Variants in PRKG2 observed in about 807,000 individuals in gnomAD.
PRKG2 encodes the protein protein kinase cGMP-dependent 2, also known as cGMP-dependent protein kinase 2.
Under a neutral mutation model 97.2 loss-of-function variants are expected in PRKG2, and 33 were observed. The ratio of observed to expected loss-of-function variants is 0.34; its 90% CI spans 0.26 to 0.45. PRKG2 has a LOEUF of 0.45. Among genes scored for constraint, PRKG2 ranks in the 20% least tolerant of loss-of-function variants. The probability of loss-of-function intolerance (pLI) is 1.00; values close to 1 mark genes in which losing one functional copy is unlikely to be tolerated. For synonymous variants in PRKG2, 330 were observed against 321.8 expected (o/e 1.03, Z -0.27); for missense variants, 638 against 900.0 (o/e 0.71, Z 3.73).
upstream of PRKG2, among the ~76,000 whole-genome samples, chr4:81,215,801 A>G (rs1005605217): frequency 6.6e-6 from 1 of 151,650 alleles, no homozygotes; most frequent in Non-Finnish European, 1.5e-5. Flanking sequence ...GACAGAGATT[A>G]TACCTTCCGA....
intron 6 of PRKG2, among the ~76,000 whole-genome samples, chr4:81,162,856 A>G (rs1045185902): frequency 4.6e-5 from 7 of 152,172 alleles, no homozygotes; most frequent in African/African-American, 1.7e-4. Context: ...CTGCTCTTCA[A>G]GCTCTCCTGT....
In PRKG2 at chr4:81,101,682, G is replaced by A. The variant is rs988594771; in HGVS notation, c.2126+2688C>T. Among the ~76,000 whole-genome samples, 16 of 149,884 alleles carry A rather than the reference G, an allele frequency of 1.1e-4. No homozygotes were observed. The South Asian group carries it at 2.7e-3, about 26-fold the overall frequency. On this transcript the variant is annotated intron_variant, in intron 17 of 18. Coordinates refer to ENST00000264399, the MANE Select transcript of PRKG2 (RefSeq NM_006259.3). ...GTATACATATGTAACTAACATGCAC[G>A]TTGTGCACATGTACCCTAAAACTTA... is the stretch of plus-strand genomic sequence containing the variant.
chr4:81,110,301 G>T, intron 15 of PRKG2, 147 bp downstream of exon 15: 1 of 837,844 alleles, frequency 1.2e-6, no homozygotes, highest in Non-Finnish European at 1.8e-6. Flanking sequence ...CACTGTATGT[G>T]AAACAATGTC....
chr4:81,157,342 A>C (rs1365894351), intron 6 of PRKG2, among the ~76,000 whole-genome samples: 8 of 152,306 alleles, frequency 5.3e-5, no homozygotes, highest in Admixed American at 3.9e-4. Flanking sequence ...GAAATGGATA[A>C]ATTCCTCAAT....
intron 3 of PRKG2, 22 bp from the exon 4 acceptor site, chr4:81,171,826 AAC>A: frequency 1.2e-5 from 18 of 1,510,902 alleles, no homozygotes; most frequent in South Asian, 2.4e-5. Context: ...AATTTTAAAA[AAC>A]ACACACACAA....
intron 2 of PRKG2, among the ~76,000 whole-genome samples, chr4:81,188,663 C>G (rs1752126568): frequency 8.0e-6 from 1 of 125,762 alleles, no homozygotes; most frequent in Non-Finnish European, 1.5e-5. Flanking sequence ...GAAAATGTGG[C>G]ACATATACAC....
intron 1 of PRKG2, among the ~76,000 whole-genome samples, chr4:81,207,266 A>C (rs932772447): frequency 6.6e-6 from 1 of 152,178 alleles, no homozygotes; most frequent in Non-Finnish European, 1.5e-5. Context: ...TCAGTGACCC[A>C]TTTTCTAGAC....
chr4:81,179,927 G>A (rs1174187728), intron 2 of PRKG2, among the ~76,000 whole-genome samples: 2 of 152,016 alleles, frequency 1.3e-5, no homozygotes, highest in African/African-American at 4.8e-5. Flanking sequence ...TGGATCACCT[G>A]AGGTCAGGAG....
intron 18 of PRKG2, 88 bp downstream of exon 18, chr4:81,092,298 T>G (rs1307369363): frequency 2.7e-6 from 2 of 739,482 alleles, no homozygotes; most frequent in Non-Finnish European, 4.2e-6. Flanking sequence ...AAATCTGTTA[T>G]GGGCATATAC....
At chr4:81,147,511 C>T (rs1747970773) in intron 9 of PRKG2, among the ~76,000 whole-genome samples, 2 of 152,114 alleles carry the variant, frequency 1.3e-5, no homozygotes, top group African/African-American at 4.8e-5. Flanking sequence ...TTGACATTTC[C>T]TCTTTGCCTA....
intron 2 of PRKG2, among the ~76,000 whole-genome samples, chr4:81,198,733 C>T (rs77393222): frequency 0.1 from 15,792 of 152,248 alleles, 1,201 homozygotes; most frequent in Middle Eastern, 0.2. Context: ...ACTGATGCCT[C>T]ATTAGGCAAG....
At chr4:81,199,869 G>C (rs980473928) in intron 2 of PRKG2, among the ~76,000 whole-genome samples, 3 of 152,166 alleles carry the variant, frequency 2.0e-5, no homozygotes, top group Non-Finnish European at 4.4e-5. Flanking sequence ...CCTGTGGTGG[G>C]AGTGACAGAT....
intron 1 of PRKG2, 55 bp from the exon 2 acceptor site, chr4:81,205,115 C>T (rs1042396228): frequency 7.5e-6 from 8 of 1,070,500 alleles, no homozygotes; most frequent in Non-Finnish European, 9.4e-6. Flanking sequence ...CCCAACAGTC[C>T]CCACCATTCC....
intron 2 of PRKG2, among the ~76,000 whole-genome samples, chr4:81,191,912 A>G (rs1354718173): frequency 6.6e-6 from 1 of 152,188 alleles, no homozygotes; most frequent in Admixed American, 6.6e-5. Context: ...CATTTTGGAA[A>G]GTTATTTGGC....
At chr4:81,206,138 T>C (rs1753633454) in intron 1 of PRKG2, among the ~76,000 whole-genome samples, 1 of 152,230 alleles carries the variant, frequency 6.6e-6, no homozygotes, top group South Asian at 2.1e-4. Flanking sequence ...CTCACAAAAG[T>C]AGAACTTGAA....
At chr4:81,175,758 T>C (rs1184708064) in intron 2 of PRKG2, among the ~76,000 whole-genome samples, 1 of 152,198 alleles carries the variant, frequency 6.6e-6, no homozygotes, top group East Asian at 1.9e-4. Context: ...CTGCTTTATT[T>C]TGGAAAAGAT....
intron 2 of PRKG2, among the ~76,000 whole-genome samples, chr4:81,189,627 G>C (rs1380333757): frequency 6.7e-6 from 1 of 149,880 alleles, no homozygotes; most frequent in Non-Finnish European, 1.5e-5. Context: ...AGAGGGAGTG[G>C]GGAGGGATAG....
At chr4:81,169,822 T>C in intron 4 of PRKG2, 54 bp from the exon 5 acceptor site, 1 of 1,144,840 alleles carries the variant, frequency 8.7e-7, no homozygotes, top group Non-Finnish European at 1.3e-6. Context: ...TGTGAAAACA[T>C]TCCAAAATAT....
intron 2 of PRKG2, among the ~76,000 whole-genome samples, chr4:81,193,988 G>A (rs1414474725): frequency 1.3e-5 from 2 of 152,084 alleles, no homozygotes; most frequent in Non-Finnish European, 2.9e-5. Context: ...ACCACACAGT[G>A]CCAGGCCTCT....
Sources: gnomAD v4.1 joint callset for allele counts (sites outside exome capture counted in the v4.1 genomes callset) on GRCh38, gnomAD v4.1.1 for gene constraint, MANE v1.5 for transcripts, NCBI Gene and HGNC (gene_info 2026-07-23, HGNC 2026-07-21) for gene names.